RAB40C: variants seen among roughly 807,000 people sequenced by gnomAD.
RAB40C encodes ras-related protein Rab-40C.
A neutral mutation model predicts 28.1 loss-of-function variants in RAB40C; 8 were observed. The ratio of observed to expected loss-of-function variants is 0.28; its 90% CI spans 0.17 to 0.51. RAB40C has a LOEUF of 0.51. RAB40C is among the 20% of genes least tolerant of loss of function. The pLI, the probability that RAB40C is intolerant of heterozygous loss-of-function variation, is 0.97. For synonymous variants in RAB40C, 201 were observed against 171.7 expected, an observed-to-expected ratio of 1.17 and a Z score of -1.34; for missense variants, 288 against 405.9, an observed-to-expected ratio of 0.71 and a Z score of 2.50.
At chr16:627,118 C>A (rs1050971976) in intron 5 of RAB40C, among the ~76,000 whole-genome samples, 1 of 152,222 alleles carries the variant, frequency 6.6e-6, no homozygotes, top group African/African-American at 2.4e-5. Context: ...AGCAGCACCG[C>A]CCAGCGTGCC....
intron 1 of RAB40C, among the ~76,000 whole-genome samples, chr16:602,812 C>T (rs919545012): frequency 4.6e-5 from 7 of 152,196 alleles, no homozygotes; most frequent in Non-Finnish European, 1.0e-4. Flanking sequence ...TCAAGTGATT[C>T]TCTCACCTTG....
At chr16:600,518 C>A (rs1169995812) in intron 1 of RAB40C, among the ~76,000 whole-genome samples, 1 of 152,142 alleles carries the variant, frequency 6.6e-6, no homozygotes, top group Non-Finnish European at 1.5e-5. Flanking sequence ...TTTGGGAGGC[C>A]GAGGCGGGCG....
intron 1 of RAB40C, among the ~76,000 whole-genome samples, chr16:616,140 C>A (rs1265685934): frequency 6.6e-6 from 1 of 151,482 alleles, no homozygotes; most frequent in East Asian, 1.9e-4. Context: ...GCCTGTAGTT[C>A]AGCTACTCAG....
At chr16:616,889 A>G (rs2036596540) in intron 1 of RAB40C, 2 of 385,566 alleles carry the variant, frequency 5.2e-6, no homozygotes, top group Non-Finnish European at 9.7e-6. Context: ...CCACAGGCGG[A>G]GGCCCCATTC....
rs771019645 is a variant in RAB40C, at chr16:590,415, C to T, written c.124C>T (p.Pro42Ser). 1 of 1,590,732 alleles carries T rather than the reference C, an allele frequency of 6.3e-7. No individual in the cohort carries two copies. Among genetic ancestry groups the T allele is most frequent in the Admixed American group, 1.7e-5 (1 of 58,080 alleles). ...ESLQDGAAES[P>S]YAYSNGIDYK... ...CCTGCAGGACGGCGCGGCAGAGTCC[C>T]CGTACGCCTACAGTAACGGTAAGGC... Residue 42 changes from proline (P) to serine (S), a missense_variant, in exon 1 of 6, where the codon CCG becomes TCG. Pro to Ser is a moderately conservative substitution (Grantham distance 74). This residue lies in a region of RAB40C where 78 missense variants were observed against 88.2 expected (regional missense o/e 0.88). Transcript: ENST00000248139.
At chr16:607,549 A>G (rs1352564896) in intron 1 of RAB40C, among the ~76,000 whole-genome samples, 1 of 150,976 alleles carries the variant, frequency 6.6e-6, no homozygotes, top group African/African-American at 2.4e-5. Flanking sequence ...CACGCCTGTA[A>G]TCGCAGCACT....
intron 2 of RAB40C, among the ~76,000 whole-genome samples, chr16:617,555 T>C (rs750640197): frequency 6.6e-6 from 1 of 152,108 alleles, no homozygotes; most frequent in African/African-American, 2.4e-5. Context: ...TTAAAAAGCA[T>C]TTCCCAGCGG....
intron 1 of RAB40C, among the ~76,000 whole-genome samples, chr16:591,844 C>T (rs931096916): frequency 6.6e-6 from 1 of 152,214 alleles, no homozygotes; most frequent in Non-Finnish European, 1.5e-5. Context: ...ATCTGCCCAC[C>T]TCGGCCTCCC....
At chr16:601,162 G>A (rs540485147) in intron 1 of RAB40C, among the ~76,000 whole-genome samples, 10 of 152,184 alleles carry the variant, frequency 6.6e-5, no homozygotes, top group South Asian at 2.1e-4. Flanking sequence ...TAGCTCCCAC[G>A]TGTGTGTGGA....
At chr16:624,870 C>T (rs2036794666) in intron 3 of RAB40C, 4 of 985,362 alleles carry the variant, frequency 4.1e-6, no homozygotes, top group Non-Finnish European at 4.8e-6. Context: ...GTGGAAACAG[C>T]CCAGAGCTGA....
At chr16:605,777 A>G (rs2036349292) in intron 1 of RAB40C, among the ~76,000 whole-genome samples, 1 of 152,150 alleles carries the variant, frequency 6.6e-6, no homozygotes, top group African/African-American at 2.4e-5. Flanking sequence ...TTTGGTCAAC[A>G]CAGGTGCCCA....
In RAB40C at chr16:628,341, G is replaced by A. The variant is rs1322056856; in HGVS notation, c.*719G>A. ...CTTCCTGCTGTGATGTGACACCTTC[G>A]GGGACATTGACCACTCAAAACTCAG... On this transcript the variant is annotated 3_prime_UTR_variant, in exon 6 of 6. Coordinates refer to ENST00000248139, the MANE Select transcript of RAB40C (RefSeq NM_021168.5). 1.3e-5 allele frequency: 2 copies of A among 152,302 alleles called. No individual in the cohort carries two copies. Among genetic ancestry groups the A allele is most frequent in the Non-Finnish European group, 2.9e-5 (2 of 68,088 alleles). 9.4% of individuals were successfully genotyped at this position (152,302 alleles called of 1,614,324 possible). A position where few individuals can be genotyped will look rare whatever the true frequency, so the allele number is the denominator to read the frequency against.
At chr16:618,171 C>G in intron 2 of RAB40C, 29 bp from the exon 3 acceptor site, 1 of 1,606,836 alleles carries the variant, frequency 6.2e-7, no homozygotes, top group South Asian at 1.1e-5. Context: ...GACCACAGTC[C>G]CGGCCCCTCC....
intron 1 of RAB40C, among the ~76,000 whole-genome samples, chr16:613,878 G>A (rs894960101): frequency 2.1e-4 from 32 of 152,084 alleles, no homozygotes; most frequent in African/African-American, 7.7e-4. Flanking sequence ...TGGACTTGAG[G>A]AGCAGGATTC....
chr16:597,472 T>C (rs1341516877), intron 1 of RAB40C, among the ~76,000 whole-genome samples: 1 of 151,306 alleles, frequency 6.6e-6, no homozygotes, highest in East Asian at 1.9e-4. Flanking sequence ...CCATCTAGCA[T>C]CTTTTTTTTT....
intron 1 of RAB40C, among the ~76,000 whole-genome samples, chr16:595,582 G>A (rs2036098307): frequency 2.6e-5 from 4 of 152,034 alleles, no homozygotes; most frequent in Admixed American, 2.6e-4. Context: ...GACTTCTGTG[G>A]GTCATTATAA....
chr16:617,888 G>A (rs1431333303), intron 2 of RAB40C, among the ~76,000 whole-genome samples: 2 of 152,304 alleles, frequency 1.3e-5, no homozygotes, highest in Admixed American at 6.5e-5. Context: ...CAGCGTTGAT[G>A]AGACGTGAAT....
chr16:605,551 C>CA (rs1406553945), intron 1 of RAB40C, among the ~76,000 whole-genome samples: 1 of 152,234 alleles, frequency 6.6e-6, no homozygotes, highest in Non-Finnish European at 1.5e-5. Context: ...AATGGAGCCA[C>CA]ACAGGGCAAA....
intron 1 of RAB40C, among the ~76,000 whole-genome samples, chr16:614,392 CT>C (rs2036545058): frequency 1.8e-5 from 2 of 108,612 alleles, no homozygotes; most frequent in African/African-American, 3.7e-5. Context: ...GGTGAACTGC[CT>C]AAACCTCGTC....
Sources: gnomAD v4.1 joint callset for allele counts (sites outside exome capture counted in the v4.1 genomes callset) on GRCh38, gnomAD v4.1.1 for gene constraint, gnomAD v4.1.1 regional missense constraint, MANE v1.5 for transcripts, NCBI Gene and HGNC (gene_info 2026-07-23, HGNC 2026-07-21) for gene names.